SLIT3: variants seen among roughly 807,000 people sequenced by gnomAD.
SLIT3 encodes slit guidance ligand 3.
Under a neutral mutation model 184.0 loss-of-function variants are expected in SLIT3, and 68 were observed. The observed-to-expected ratio is 0.37, with a 90% CI of 0.30 to 0.45. The LOEUF (loss-of-function observed/expected upper bound fraction) is 0.45, where lower values mean the gene tolerates loss of function less well. Ranked by LOEUF, SLIT3 falls within the 20% of genes least tolerant of loss-of-function variation. SLIT3 has a pLI of 1.00. For missense variants in SLIT3, 1,707 were observed against 2,026.0 expected, an observed-to-expected ratio of 0.84 and a Z score of 3.02; for synonymous variants, 831 against 828.6, an observed-to-expected ratio of 1.00 and a Z score of -0.05.
intron 20 of SLIT3, among the ~76,000 whole-genome samples, chr5:168,746,365 GGT>G (rs1763810502): frequency 6.8e-6 from 1 of 146,820 alleles, no homozygotes; most frequent in Non-Finnish European, 1.5e-5. Context: ...GGTGGTGTGT[GGT>G]GTGTGAGTGT....
chr5:169,124,041 A>G (rs1760986984), intron 4 of SLIT3, among the ~76,000 whole-genome samples: 1 of 152,164 alleles, frequency 6.6e-6, no homozygotes, highest in South Asian at 2.1e-4. Context: ...TCAGACGGAA[A>G]TCATTAGGCA....
rs187242493 is a variant in SLIT3, at chr5:169,251,375, A to G, written c.269+13T>C. The G allele has an allele frequency of 6.3e-6, 10 of 1,594,746 alleles. No individual in the cohort carries two copies. The highest frequency in any genetic ancestry group is 8.6e-6 in the Non-Finnish European group (10 of 1,162,384). ...AAAAATGAAAACACACTTGAGAGCC[A>G]TCAACTACTTACAAGACTCGGAGGT... is the stretch of plus-strand genomic sequence containing the variant. On this transcript the variant is annotated intron_variant, in intron 2 of 35. Transcript: ENST00000519560.
chr5:168,885,545 G>C (rs1283106332), intron 4 of SLIT3, among the ~76,000 whole-genome samples: 1 of 152,166 alleles, frequency 6.6e-6, no homozygotes, highest in African/African-American at 2.4e-5. Context: ...CGAGGCTCTG[G>C]CAGTCACAAT....
chr5:169,019,069 A>G (rs549558707), intron 4 of SLIT3, among the ~76,000 whole-genome samples: 21 of 152,220 alleles, frequency 1.4e-4, no homozygotes, highest in Admixed American at 3.3e-4. Flanking sequence ...GTACAGGGCT[A>G]CATCTTTCAT....
chr5:169,101,441 C>T (rs1760010629), intron 4 of SLIT3, among the ~76,000 whole-genome samples: 1 of 152,170 alleles, frequency 6.6e-6, no homozygotes, highest in Non-Finnish European at 1.5e-5. Context: ...AAATTCTTAT[C>T]CCACTAACAG....
intron 12 of SLIT3, among the ~76,000 whole-genome samples, chr5:168,784,592 C>A (rs1325365336): frequency 6.6e-6 from 1 of 152,166 alleles, no homozygotes; most frequent in East Asian, 1.9e-4. Flanking sequence ...AGAGCTGAGT[C>A]TTAAAGGACA....
intron 32 of SLIT3, 127 bp from the exon 33 acceptor site, chr5:168,673,458 AACTTACATAAGTTGCAAAAAT>A: frequency 1.1e-6 from 1 of 889,934 alleles, no homozygotes; most frequent in South Asian, 1.9e-5. Flanking sequence ...AATAACTTTA[AACTTACATAAGTTGCAAAAAT>A]AAAAACAGTA....
chr5:168,914,782 G>A (rs1761379715), intron 4 of SLIT3, among the ~76,000 whole-genome samples: 1 of 152,054 alleles, frequency 6.6e-6, no homozygotes, highest in African/African-American at 2.4e-5. Context: ...ACAGGAACAT[G>A]GCAGACAACC....
chr5:169,047,951 C>A (rs754953664), intron 4 of SLIT3, among the ~76,000 whole-genome samples: 2 of 151,882 alleles, frequency 1.3e-5, no homozygotes, highest in African/African-American at 4.8e-5. Flanking sequence ...GTGCCACAAG[C>A]ATCGATTAGA....
At chr5:169,263,716 C>A (rs374048499) in intron 1 of SLIT3, 1 of 510,792 alleles carries the variant, frequency 2.0e-6, no homozygotes, top group South Asian at 1.4e-5. Context: ...CAGCCTCCCC[C>A]AGCTGCTCCA....
intron 4 of SLIT3, among the ~76,000 whole-genome samples, chr5:168,922,951 C>A (rs556222768): frequency 2.6e-5 from 4 of 152,074 alleles, no homozygotes; most frequent in Admixed American, 6.6e-5. Flanking sequence ...ACATATGTAG[C>A]GAAAGTCTTA....
Position 169,081,236 on chromosome 5 carries a change from C to A in SLIT3, c.413+112243G>T, listed in dbSNP as rs1339514029. ...CCCCCTGGAGGGGTGCAGTGCTTTTCTCTTTCATTAAACAAGGGTAGGGGG... is the reference window on the plus strand; with the variant it reads ...CCCCCTGGAGGGGTGCAGTGCTTTTATCTTTCATTAAACAAGGGTAGGGGG... On this transcript the variant is annotated intron_variant, in intron 4 of 35. Coordinates refer to ENST00000519560, the MANE Select transcript of SLIT3 (RefSeq NM_003062.4). Among the ~76,000 whole-genome samples, 3 of 152,186 alleles carry A rather than the reference C, an allele frequency of 2.0e-5. No individual in the cohort carries two copies. The East Asian group carries it at 5.8e-4, about 29-fold the overall frequency.
intron 1 of SLIT3, among the ~76,000 whole-genome samples, chr5:169,295,393 T>G (rs546435470): frequency 6.6e-6 from 1 of 152,286 alleles, no homozygotes; most frequent in Admixed American, 6.5e-5. Context: ...GTGAACAACA[T>G]GGTAGGCACC....
chr5:168,980,891 G>GA (rs1347443874), intron 4 of SLIT3, among the ~76,000 whole-genome samples: 1 of 152,094 alleles, frequency 6.6e-6, no homozygotes, highest in African/African-American at 2.4e-5. Flanking sequence ...GATGTAAAGT[G>GA]AAAAAAATTT....
intron 4 of SLIT3, among the ~76,000 whole-genome samples, chr5:169,125,085 G>A (rs1761030845): frequency 6.6e-6 from 1 of 151,842 alleles, no homozygotes; most frequent in South Asian, 2.1e-4. Context: ...GTTTCACTCT[G>A]TCGCCAGGCT....
At chr5:169,281,704 C>G (rs1327305188) in intron 1 of SLIT3, among the ~76,000 whole-genome samples, 1 of 152,210 alleles carries the variant, frequency 6.6e-6, no homozygotes, top group Non-Finnish European at 1.5e-5. Context: ...CCACCTGAAA[C>G]AATGGATGTA....
chr5:169,133,583 T>G (rs561380975), intron 4 of SLIT3, among the ~76,000 whole-genome samples: 5 of 152,154 alleles, frequency 3.3e-5, no homozygotes, highest in Non-Finnish European at 5.9e-5. Context: ...AAAAATAAAA[T>G]CTTTATAGTA....
intron 4 of SLIT3, among the ~76,000 whole-genome samples, chr5:168,947,569 AG>A (rs1762521099): frequency 6.6e-6 from 1 of 152,170 alleles, no homozygotes; most frequent in African/African-American, 2.4e-5. Flanking sequence ...TGCCCAGGTC[AG>A]GGGCAGGGCC....
At chr5:169,225,698 A>T (rs999710122) in intron 3 of SLIT3, among the ~76,000 whole-genome samples, 4 of 152,204 alleles carry the variant, frequency 2.6e-5, no homozygotes, top group African/African-American at 9.6e-5. Flanking sequence ...GGCAGTTGCC[A>T]CAAAAGAGAA....
Sources: gnomAD v4.1 joint callset for allele counts (sites outside exome capture counted in the v4.1 genomes callset) on GRCh38, gnomAD v4.1.1 for gene constraint, MANE v1.5 for transcripts, NCBI Gene and HGNC (gene_info 2026-07-23, HGNC 2026-07-21) for gene names.